IVNS1ABP: variants seen among roughly 807,000 people sequenced by gnomAD.
IVNS1ABP encodes the protein influenza virus NS1A-binding protein.
In IVNS1ABP, 25 loss-of-function variants were observed where a neutral mutation model predicts 78.9. That is an observed-to-expected ratio of 0.32 (90% CI 0.23 to 0.44). The LOEUF (loss-of-function observed/expected upper bound fraction) is 0.44. IVNS1ABP is among the 20% of genes least tolerant of loss of function. IVNS1ABP has a pLI of 1.00. For missense variants in IVNS1ABP, 494 were observed against 768.9 expected (o/e 0.64, Z 4.23); for synonymous variants, 241 against 259.7 (o/e 0.93, Z 0.69).
rs1665877864 is a variant in IVNS1ABP at position 185,311,177 on chromosome 1, G to T, written c.-101C>A. 1 of 388,234 alleles carries T rather than the reference G, an allele frequency of 2.6e-6. No homozygotes were observed. The highest frequency in any genetic ancestry group is 4.6e-6 in the Non-Finnish European group (1 of 219,058). The allele number at this position is 388,234 out of a possible 1,614,324, so 24.0% of individuals were successfully genotyped here. ...GAGTGTTAAAAGGTGCACTTCGTCA[G>T]GGTATGAAGACAGGTGGTTGAAATG... On this transcript the variant is annotated 5_prime_UTR_variant, in exon 2 of 15. It adds an upstream start codon to the 5' untranslated region. Transcript: ENST00000367498.
intron 1 of IVNS1ABP, 112 bp downstream of exon 1, chr1:185,316,841 C>T: frequency 2.5e-6 from 1 of 395,294 alleles, no homozygotes; most frequent in Admixed American, 4.4e-5. Context: ...CTGATGAGGA[C>T]ACCGCTTCCG....
At chr1:185,300,869 G>T in intron 10 of IVNS1ABP, 103 bp downstream of exon 10, 1 of 830,336 alleles carries the variant, frequency 1.2e-6, no homozygotes, top group Non-Finnish European at 2.0e-6. Context: ...CTATCTTATT[G>T]GATTGCCGTG....
intron 10 of IVNS1ABP, 87 bp downstream of exon 10, chr1:185,300,885 T>C: frequency 1.0e-6 from 1 of 956,952 alleles, no homozygotes; most frequent in Non-Finnish European, 1.6e-6. Flanking sequence ...CCGTGAAAGA[T>C]GGCATATTAA....
intron 14 of IVNS1ABP, 87 bp downstream of exon 14, chr1:185,299,623 A>T (rs1426162020): frequency 1.6e-6 from 2 of 1,222,848 alleles, no homozygotes; most frequent in Non-Finnish European, 2.4e-6. Context: ...TAACTGTACA[A>T]CTATAGTCAT....
intron 14 of IVNS1ABP, 92 bp downstream of exon 14, chr1:185,299,618 G>T: frequency 8.5e-7 from 1 of 1,178,568 alleles, no homozygotes; most frequent in Non-Finnish European, 1.3e-6. Context: ...ATTCTTAACT[G>T]TACAACTATA....
intron 1 of IVNS1ABP, among the ~76,000 whole-genome samples, chr1:185,314,702 C>T (rs1665969429): frequency 6.6e-6 from 1 of 152,174 alleles, no homozygotes; most frequent in Admixed American, 6.5e-5. Context: ...TCTGTACACC[C>T]ATGCTCCTTT....
chr1:185,300,004 T>C lies in IVNS1ABP; in HGVS notation c.1496A>G (p.Asn499Ser), dbSNP rs1343678958. 7 of 1,610,136 alleles carry C rather than the reference T, an allele frequency of 4.3e-6. No individual in the cohort carries two copies. The highest frequency in any genetic ancestry group is 5.9e-6 in the Non-Finnish European group (7 of 1,178,864). The change falls in exon 13 of 15, where the codon AAC becomes AGC. Residue 499 changes from asparagine to serine, a missense_variant. Physicochemically the swap from Asn to Ser is conservative, Grantham distance 46. Transcript: ENST00000367498. Reference protein sequence around the residue: ...TKLWTSCAPLNIRRHQSAVCE... With the variant: ...TKLWTSCAPLSIRRHQSAVCE... ...AGGAAAAAAAATCAACTTACGAATG[T>C]TAAGAGGGGCACAGCTTGTCCACAA... is the stretch of plus-strand genomic sequence containing the variant.
At chr1:185,308,756 A>G in intron 5 of IVNS1ABP, 44 bp downstream of exon 5, 1 of 1,419,720 alleles carries the variant, frequency 7.0e-7, no homozygotes, top group Non-Finnish European at 9.7e-7. Flanking sequence ...CAATCACACA[A>G]AATAAGACTC....
chr1:185,302,335 T>C (rs2102814972), intron 8 of IVNS1ABP, among the ~76,000 whole-genome samples: 1 of 152,290 alleles, frequency 6.6e-6, no homozygotes, highest in South Asian at 2.1e-4. Flanking sequence ...TTTTCCTTGA[T>C]GGCTTCCTTC....
Position 185,301,042 on chromosome 1 carries a change from G to A in IVNS1ABP, c.1050C>T (p.Pro350=). 1.2e-6 allele frequency: 2 copies of A among 1,613,492 alleles called. No homozygotes were observed. The highest frequency in any genetic ancestry group is 1.7e-6 in the Non-Finnish European group (2 of 1,179,696). ...EMQQDELIEK[P]MSPMQYARSG... Reference sequence around the variant, plus strand: ...ATCGTGCGTACTGCATAGGAGACATGGGCTTTTCGATTAGCTCATCTTGTT... The same window carrying A: ...ATCGTGCGTACTGCATAGGAGACATAGGCTTTTCGATTAGCTCATCTTGTT... The change falls in exon 10 of 15, where the codon CCC becomes CCT. Residue 350 remains proline (P), a synonymous_variant. Coordinates refer to ENST00000367498, the MANE Select transcript of IVNS1ABP (RefSeq NM_006469.5).
intron 1 of IVNS1ABP, among the ~76,000 whole-genome samples, chr1:185,313,479 C>T (rs1049633569): frequency 1.2e-4 from 18 of 152,116 alleles, no homozygotes; most frequent in Non-Finnish European, 1.6e-4. Context: ...ACCTACTTCC[C>T]GCCCACCTCA....
At position 185,317,170 on chromosome 1, in the gene IVNS1ABP, G is replaced by T. The variant is rs1286203923; in HGVS notation, c.-464C>A. On this transcript the variant is annotated 5_prime_UTR_variant, in exon 1 of 15. Coordinates refer to ENST00000367498, the MANE Select transcript of IVNS1ABP (RefSeq NM_006469.5). ...CTCGCTCGCTCGCCGATACAGCCGC[G>T]CCGAAGCAGCAGGCGGAGAAACTGC... 3 of 397,850 alleles carry T rather than the reference G, an allele frequency of 7.5e-6. No individual in the cohort carries two copies. Among genetic ancestry groups the T allele is most frequent in the East Asian group, 3.6e-5 (1 of 27,996 alleles). The allele number at this position is 397,850 out of a possible 1,614,324, so 24.6% of individuals were successfully genotyped here.
At position 185,305,452 on chromosome 1, in the gene IVNS1ABP, T is replaced by G; in HGVS notation, c.765+84A>C. 6.6e-7 allele frequency: 1 copy of G among 1,505,572 alleles called. No individual in the cohort carries two copies. Among genetic ancestry groups the G allele is most frequent in the Non-Finnish European group, 9.0e-7 (1 of 1,106,980 alleles). The allele number at this position is 1,505,572 out of a possible 1,614,324, so 93.3% of individuals were successfully genotyped here. On this transcript the variant is annotated intron_variant, in intron 8 of 14. Coordinates refer to ENST00000367498, the MANE Select transcript of IVNS1ABP (RefSeq NM_006469.5). The surrounding 1 kb of genome is among the most constrained non-coding windows in gnomAD (Gnocchi z 4.0). ...TACCAATGAAATTGGTCCACTTTCCTTTATTAAAGGAAAATTTAAGTATGC... is the reference window on the plus strand; with the variant it reads ...TACCAATGAAATTGGTCCACTTTCCGTTATTAAAGGAAAATTTAAGTATGC...
intron 1 of IVNS1ABP, 108 bp downstream of exon 1, chr1:185,316,845 G>A: frequency 2.5e-6 from 1 of 394,830 alleles, no homozygotes; most frequent in Non-Finnish European, 4.5e-6. Flanking sequence ...TGAGGACACC[G>A]CTTCCGCGCC....
chr1:185,313,481 C>T (rs1424280961), intron 1 of IVNS1ABP, among the ~76,000 whole-genome samples: 1 of 152,132 alleles, frequency 6.6e-6, no homozygotes, highest in Non-Finnish European at 1.5e-5. Flanking sequence ...CTACTTCCCG[C>T]CCACCTCAAG....
chr1:185,314,980 T>C (rs550202313), intron 1 of IVNS1ABP, among the ~76,000 whole-genome samples: 1 of 152,346 alleles, frequency 6.6e-6, no homozygotes, highest in South Asian at 2.1e-4. Context: ...TTACAAGATA[T>C]ACAACTTGTA....
In IVNS1ABP at chr1:185,309,530, G is replaced by A; in HGVS notation, c.-18-19C>T. The A allele has an allele frequency of 8.0e-7, 1 of 1,257,092 alleles. No individual in the cohort carries two copies. The highest frequency in any genetic ancestry group is 1.2e-6 in the Non-Finnish European group (1 of 858,766). 77.9% of individuals were successfully genotyped at this position (1,257,092 alleles called of 1,614,324 possible). On this transcript the variant is annotated intron_variant, in intron 2 of 14. Transcript: ENST00000367498. Reference sequence around the variant, plus strand: ...AATTTGGCTAGATGATGAAAAGAAAGCTGAGTTATTTTACTTGCAACTGAT... The same window carrying A: ...AATTTGGCTAGATGATGAAAAGAAAACTGAGTTATTTTACTTGCAACTGAT...
intron 8 of IVNS1ABP, among the ~76,000 whole-genome samples, chr1:185,302,049 T>C (rs1162089083): frequency 6.6e-6 from 1 of 152,126 alleles, no homozygotes; most frequent in African/African-American, 2.4e-5. Flanking sequence ...ATCCAGTTTC[T>C]CTGAAAGTAC....
Position 185,309,155 on chromosome 1 carries a change from C to T in IVNS1ABP, c.129G>A (p.Met43Ile), listed in dbSNP as rs201051537. Residue 43 changes from methionine (M) to isoleucine (I), a missense_variant, in exon 4 of 15, where the codon ATG becomes ATA. Transcript: ENST00000367498. The part of the protein sequence containing the change: ...DVRLQVCGHE[M>I]LAHRAVLACC... ...AAGCTAGCACTGCTCTGTGTGCTAA[C>T]ATTTCATGGCCACAGACCTGAAATT... 1.7e-4 allele frequency: 268 copies of T among 1,591,242 alleles called. 1 individual carries two copies. Among genetic ancestry groups the T allele is most frequent in the Non-Finnish European group, 1.0e-5 (12 of 1,172,756 alleles).
Sources: allele counts gnomAD v4.1 joint callset (sites outside exome capture counted in the v4.1 genomes callset), GRCh38; gene constraint gnomAD v4.1.1; non-coding constraint Gnocchi (gnomAD v3.1); transcripts MANE v1.5; gene names NCBI Gene and HGNC (gene_info 2026-07-23, HGNC 2026-07-21).